SLC9B2: variants seen among roughly 807,000 people sequenced by gnomAD.
SLC9B2 encodes the protein sodium/hydrogen exchanger 9B2.
A neutral mutation model predicts 52.2 loss-of-function variants in SLC9B2; 39 were observed. The ratio of observed to expected loss-of-function variants is 0.75; its 90% CI spans 0.58 to 0.98. The LOEUF is 0.98. Ranked by LOEUF, SLC9B2 falls within the 50% of genes least tolerant of loss-of-function variation. SLC9B2 has a pLI of 0.00. For synonymous variants in SLC9B2, 214 were observed against 227.0 expected (o/e 0.94, Z 0.51); for missense variants, 626 against 637.5 (o/e 0.98, Z 0.19).
At position 103,031,701 on chromosome 4, in the gene SLC9B2, TAC is replaced by T; in HGVS notation, c.1252_1253del (p.Val418ArgfsTer28). ...AAAAGCACATTTTGAAATTCTTACC[TAC>T]AGTTTCTGGTCTGAGAGATGCAATA... The part of the protein sequence containing the change: ...VSIASLRPET[V>X]GLCVATVGIA... On this transcript the variant is annotated frameshift_variant and splice_region_variant, in exon 10 of 12. Coordinates refer to ENST00000394785, the MANE Select transcript of SLC9B2 (RefSeq NM_178833.7). 1 of 1,609,056 alleles carries T rather than the reference TAC, an allele frequency of 6.2e-7. No individual in the cohort carries two copies. Among genetic ancestry groups the T allele is most frequent in the Non-Finnish European group, 8.5e-7 (1 of 1,177,366 alleles).
chr4:103,042,830 A>G (rs1743754225), intron 9 of SLC9B2, among the ~76,000 whole-genome samples: 1 of 151,646 alleles, frequency 6.6e-6, no homozygotes, highest in South Asian at 2.1e-4. Context: ...TAAGACACAT[A>G]TTTTTATATT....
chr4:103,041,154 ATTTCTGATCAT>A (rs1743605895), intron 9 of SLC9B2, among the ~76,000 whole-genome samples: 1 of 152,178 alleles, frequency 6.6e-6, no homozygotes, highest in Non-Finnish European at 1.5e-5. Context: ...GAAGTGATCA[ATTTCTGATCAT>A]TTCAGCATAA....
At chr4:103,051,487 T>C (rs1744680238) in intron 4 of SLC9B2, among the ~76,000 whole-genome samples, 1 of 152,118 alleles carries the variant, frequency 6.6e-6, no homozygotes, top group South Asian at 2.1e-4. Flanking sequence ...CTGCCATTTA[T>C]CTACGGGAAA....
intron 4 of SLC9B2, 127 bp from the exon 5 acceptor site, chr4:103,050,509 G>A: frequency 2.3e-6 from 2 of 861,176 alleles, no homozygotes; most frequent in South Asian, 4.9e-5. Context: ...AAGAAATTAA[G>A]TTAAACTTTT....
At chr4:103,064,633 T>C (rs974280805) in intron 3 of SLC9B2, among the ~76,000 whole-genome samples, 3 of 152,032 alleles carry the variant, frequency 2.0e-5, no homozygotes, top group Non-Finnish European at 4.4e-5. Context: ...AAACAGAAGA[T>C]TTTCTATGTT....
chr4:103,029,887 T>C (rs1415177184), intron 10 of SLC9B2, among the ~76,000 whole-genome samples: 2 of 152,166 alleles, frequency 1.3e-5, no homozygotes, highest in Admixed American at 1.3e-4. Flanking sequence ...TAAGTAGTTT[T>C]CTCAAATTCA....
chr4:103,057,741 A>G, intron 4 of SLC9B2, 60 bp downstream of exon 4: 2 of 1,525,346 alleles, frequency 1.3e-6, no homozygotes, highest in South Asian at 2.5e-5. Flanking sequence ...AAAGCTTTCC[A>G]AACTATTATC....
intron 9 of SLC9B2, among the ~76,000 whole-genome samples, chr4:103,040,910 A>G (rs1743580205): frequency 6.6e-6 from 1 of 152,220 alleles, no homozygotes; most frequent in East Asian, 1.9e-4. Flanking sequence ...GTCTAAAATC[A>G]GAAATTTGTA....
At chr4:103,057,684 T>C in intron 4 of SLC9B2, 117 bp downstream of exon 4, 1 of 1,120,404 alleles carries the variant, frequency 8.9e-7, no homozygotes, top group Non-Finnish European at 1.3e-6. Context: ...AACTGGCTTT[T>C]GGCTCCAGCA....
At chr4:103,068,586 G>A (rs1295999677) in intron 1 of SLC9B2, among the ~76,000 whole-genome samples, 8 of 152,232 alleles carry the variant, frequency 5.3e-5, no homozygotes, top group Admixed American at 5.2e-4. Flanking sequence ...GTTCCTTGAT[G>A]ACATCTTCCA....
chr4:103,042,823 GAC>G (rs768585097), intron 9 of SLC9B2, among the ~76,000 whole-genome samples: 3 of 151,366 alleles, frequency 2.0e-5, no homozygotes, highest in East Asian at 1.9e-4. Context: ...TTTATTTTAA[GAC>G]ACATATTTTT....
chr4:103,054,873 C>A (rs890064517), intron 4 of SLC9B2, among the ~76,000 whole-genome samples: 5 of 152,096 alleles, frequency 3.3e-5, no homozygotes, highest in East Asian at 3.8e-4. Context: ...TTTGACCCAG[C>A]CATCCCATTA....
intron 1 of SLC9B2, among the ~76,000 whole-genome samples, chr4:103,071,081 A>G (rs145875376): frequency 6.6e-6 from 1 of 152,160 alleles, no homozygotes; most frequent in Non-Finnish European, 1.5e-5. Flanking sequence ...ATCCTTTAAC[A>G]GCAGTTGCCT....
intron 3 of SLC9B2, among the ~76,000 whole-genome samples, chr4:103,058,558 T>A (rs1745361464): frequency 6.6e-6 from 1 of 152,102 alleles, no homozygotes; most frequent in Non-Finnish European, 1.5e-5. Context: ...CCACCATGCC[T>A]GGCTAATTTC....
chr4:103,020,343 C>G, downstream of SLC9B2: 1 of 449,792 alleles, frequency 2.2e-6, no homozygotes, highest in South Asian at 1.6e-5. Context: ...GGCCCAGAAG[C>G]TTTGGCCTTT....
At position 103,024,753 on chromosome 4, in the gene SLC9B2, T is replaced by C. The variant is rs1578433062; in HGVS notation, c.*1617A>G. Among the ~76,000 whole-genome samples, 1 of 152,188 alleles carries C rather than the reference T, an allele frequency of 6.6e-6. No homozygotes were observed. The highest frequency in any genetic ancestry group is 2.1e-4 in the South Asian group (1 of 4,836). On this transcript the variant is annotated 3_prime_UTR_variant, in exon 12 of 12. Coordinates refer to ENST00000394785, the MANE Select transcript of SLC9B2 (RefSeq NM_178833.7). ...AACATGATAAAAACTGTAAACTGTATGTGAATGTGATTATTTCAGTAACTA... is the reference window on the plus strand; with the variant it reads ...AACATGATAAAAACTGTAAACTGTACGTGAATGTGATTATTTCAGTAACTA...
At chr4:103,020,626 A>G (rs932201501), downstream of SLC9B2, among the ~76,000 whole-genome samples, 1 of 151,994 alleles carries the variant, frequency 6.6e-6, no homozygotes, top group Non-Finnish European at 1.5e-5. Context: ...TAAATACGAA[A>G]TTATCTTTTT....
At chr4:103,055,066 T>A (rs1436879682) in intron 4 of SLC9B2, among the ~76,000 whole-genome samples, 1 of 152,016 alleles carries the variant, frequency 6.6e-6, no homozygotes, top group South Asian at 2.1e-4. Context: ...CCATAAAAAA[T>A]GATGAGTTCG....
intron 4 of SLC9B2, among the ~76,000 whole-genome samples, chr4:103,052,873 GA>G (rs1456344191): frequency 7.9e-5 from 12 of 152,022 alleles, no homozygotes; most frequent in African/African-American, 2.9e-4. Context: ...TTTCATTCCT[GA>G]AATGAACGTG....
Sources: allele counts gnomAD v4.1 joint callset (sites outside exome capture counted in the v4.1 genomes callset), GRCh38; gene constraint gnomAD v4.1.1; transcripts MANE v1.5; gene names NCBI Gene and HGNC (gene_info 2026-07-23, HGNC 2026-07-21).